The following M6PR variants were observed in gnomAD, a reference collection of about 807,000 sequenced individuals.
The protein encoded by M6PR is mannose-6-phosphate receptor, cation dependent, also known as cation-dependent mannose-6-phosphate receptor.
In M6PR, 19 loss-of-function variants were observed where a neutral mutation model predicts 33.1. That is an observed-to-expected ratio of 0.57 (90% CI 0.40 to 0.84). The LOEUF (loss-of-function observed/expected upper bound fraction) is 0.84, where lower values mean the gene tolerates loss of function less well. Ranked by LOEUF, M6PR falls within the 40% of genes least tolerant of loss-of-function variation. The pLI, the probability that M6PR is intolerant of heterozygous loss-of-function variation, is 0.00. For synonymous variants in M6PR, 111 were observed against 123.4 expected (o/e 0.90, Z 0.67); for missense variants, 295 against 336.0 (o/e 0.88, Z 0.95).
At chr12:8,942,605 A>G in intron 5 of M6PR, 63 bp from the exon 6 acceptor site, 3 of 1,546,034 alleles carry the variant, frequency 1.9e-6, no homozygotes, top group South Asian at 2.3e-5. Context: ...CAGATAGGAT[A>G]ACCTCTGCAT....
Position 8,941,762 on chromosome 12 carries a change from G to T in M6PR, c.*56C>A, listed in dbSNP as rs961618549. The T allele has an allele frequency of 2.0e-5, 32 of 1,604,722 alleles. No individual in the cohort carries two copies. The highest frequency in any genetic ancestry group is 2.7e-5 in the Non-Finnish European group (32 of 1,171,972). On this transcript the variant is annotated 3_prime_UTR_variant, in exon 7 of 7. Coordinates refer to ENST00000000412, the MANE Select transcript of M6PR (RefSeq NM_002355.4). ...GAGTTGAGACTGCTTGAGAAATCTG[G>T]CTGTGTAGCTTTGGTTTGGGGGACT...
intron 3 of M6PR, chr12:8,945,213 G>C (rs995902370): frequency 9.9e-6 from 5 of 506,170 alleles, no homozygotes; most frequent in Non-Finnish European, 1.8e-5. Context: ...GTTTTTCACT[G>C]ATTTTAATGC....
chr12:8,943,949 G>T, intron 3 of M6PR, 39 bp from the exon 4 acceptor site: 2 of 1,349,964 alleles, frequency 1.5e-6, no homozygotes, highest in Non-Finnish European at 2.1e-6. Flanking sequence ...TGGGGTGGGG[G>T]AAAAGCAGAG....
rs773549234 is a variant in M6PR, at chr12:8,941,802, A to C, written c.*16T>G. The C allele has an allele frequency of 1.2e-6, 2 of 1,614,044 alleles. No individual in the cohort carries two copies. Among genetic ancestry groups the C allele is most frequent in the Non-Finnish European group, 1.7e-6 (2 of 1,179,954 alleles). ...TTTGGGGGACTGAGGAAGAGGCTGG[A>C]CATATAAAGTGCAATCTACATTGGT... On this transcript the variant is annotated 3_prime_UTR_variant, in exon 7 of 7. Transcript: ENST00000000412.
At chr12:8,947,812 G>T (rs1946119950) in intron 1 of M6PR, among the ~76,000 whole-genome samples, 1 of 150,808 alleles carries the variant, frequency 6.6e-6, no homozygotes, top group South Asian at 2.1e-4. Flanking sequence ...TTTTGGAGAT[G>T]AGAGTAGACA....
At chr12:8,942,901 A>G (rs1291952520) in intron 5 of M6PR, among the ~76,000 whole-genome samples, 3 of 152,096 alleles carry the variant, frequency 2.0e-5, no homozygotes, top group Non-Finnish European at 4.4e-5. Context: ...ATGCAAATCT[A>G]TACCGGCAAC....
In M6PR at chr12:8,943,804, T is replaced by G; in HGVS notation, c.450A>C (p.Leu150=). 3 of 1,612,356 alleles carry G rather than the reference T, an allele frequency of 1.9e-6. No homozygotes were observed. The highest frequency in any genetic ancestry group is 2.5e-6 in the Non-Finnish European group (3 of 1,179,752). ...TATACAACACAGGGTGCCTCACCGC[T>G]AGGGTGTGTCGATTGCAGGAGATCA... ...VVMISCNRHT[L]ADNFNPVSEE... is the part of the protein sequence containing the mutation. The change falls in exon 4 of 7, where the codon CTA becomes CTC. Residue 150 remains leucine, a synonymous_variant. Transcript: ENST00000000412.
chr12:8,944,767 A>G (rs1946071094), intron 3 of M6PR, among the ~76,000 whole-genome samples: 1 of 152,172 alleles, frequency 6.6e-6, no homozygotes, highest in African/African-American at 2.4e-5. Flanking sequence ...AACTTTGATT[A>G]ATTTGATGAA....
At chr12:8,943,244 T>G in intron 5 of M6PR, 161 bp downstream of exon 5, 1 of 912,124 alleles carries the variant, frequency 1.1e-6, no homozygotes, top group Non-Finnish European at 1.6e-6. Context: ...GAGCCCTGTG[T>G]CCTGGCAGAA....
Position 8,945,441 on chromosome 12 carries a change from T to C in M6PR, c.320A>G (p.Asn107Ser). 4 of 1,614,116 alleles carry C rather than the reference T, an allele frequency of 2.5e-6. No individual in the cohort carries two copies. The highest frequency in any genetic ancestry group is 1.3e-5 in the African/African-American group (1 of 75,036). ...ACTTCCGTTGAAGATGTGAGTCTCG[T>C]TGAGTCTCCCTACCACTGTCTCCTT... ...NGKETVVGRL[N>S]ETHIFNGSNW... Residue 107 changes from asparagine to serine, a missense_variant, in exon 3 of 7, where the codon AAC becomes AGC. By Grantham distance (46) the Asn-to-Ser change is conservative (BLOSUM62 1). Coordinates refer to ENST00000000412, the MANE Select transcript of M6PR (RefSeq NM_002355.4).
chr12:8,946,459 AAG>A (rs764295755), intron 1 of M6PR, 54 bp from the exon 2 acceptor site: 393 of 1,398,782 alleles, frequency 2.8e-4, no homozygotes, highest in Non-Finnish European at 3.6e-4. Flanking sequence ...AGAGAGAGGA[AAG>A]AGATAAAGCG....
chr12:8,944,751 CT>C (rs1361607393), intron 3 of M6PR, among the ~76,000 whole-genome samples: 2 of 152,126 alleles, frequency 1.3e-5, no homozygotes, highest in Non-Finnish European at 2.9e-5. Flanking sequence ...TAAAATTTAA[CT>C]GGTAAACTTT....
At chr12:8,946,564 G>T (rs1946097899) in intron 1 of M6PR, 159 bp from the exon 2 acceptor site, 1 of 539,796 alleles carries the variant, frequency 1.9e-6, no homozygotes, top group Non-Finnish European at 3.2e-6. Context: ...TAATATCTCT[G>T]TAACAAGAGC....
At chr12:8,943,606 C>G in intron 4 of M6PR, 71 bp from the exon 5 acceptor site, 1 of 1,581,800 alleles carries the variant, frequency 6.3e-7, no homozygotes, top group East Asian at 2.2e-5. Flanking sequence ...AATAAAAAAC[C>G]CAAAAAACAT....
chr12:8,945,048 C>T (rs1278604738), intron 3 of M6PR, among the ~76,000 whole-genome samples: 1 of 152,178 alleles, frequency 6.6e-6, no homozygotes, highest in African/African-American at 2.4e-5. Flanking sequence ...GTCCCAGCTA[C>T]TCAGGAGGCT....
At chr12:8,944,427 C>T (rs571359733) in intron 3 of M6PR, among the ~76,000 whole-genome samples, 22 of 152,168 alleles carry the variant, frequency 1.4e-4, no homozygotes, top group Non-Finnish European at 2.8e-4. Context: ...GATTCTGCTC[C>T]TAGTTTTGCA....
chr12:8,946,220 C>T lies in M6PR; in HGVS notation c.176+9G>A. The T allele has an allele frequency of 6.2e-7, 1 of 1,609,914 alleles. No individual in the cohort carries two copies. On this transcript the variant is annotated intron_variant, in intron 2 of 6. Transcript: ENST00000000412. ...TTTTCTCAAGCTCTTTAAGGTTCTT[C>T]TCATTTACCTTTTATTAAACAGTGG...
rs774609275 is a variant in M6PR, at chr12:8,945,458, T to C, written c.303A>G (p.Thr101=). 13 of 1,614,068 alleles carry C rather than the reference T, an allele frequency of 8.1e-6. No homozygotes were observed. Among genetic ancestry groups the C allele is most frequent in the Non-Finnish European group, 1.0e-5 (12 of 1,180,050 alleles). The change falls in exon 3 of 7, where the codon ACA becomes ACG. Residue 101 remains threonine, a synonymous_variant. Transcript: ENST00000000412. ...GAGTCTCGTTGAGTCTCCCTACCAC[T>C]GTCTCCTTCCCATTACTTTTGTTGA... is the stretch of plus-strand genomic sequence containing the variant. ...VQINKSNGKE[T]VVGRLNETHI...
Position 8,941,944 on chromosome 12 carries a change from TAGGGGGA to T in M6PR, c.712-11_712-5del, listed in dbSNP as rs1465841838. The stretch of plus-strand genomic sequence containing the variant: ...GGCAGACAAAGTCACAGCCATCCTG[TAGGGGGA>T]AAAAAAAGAAGGAAATAATTCGCAG... On this transcript the variant is annotated splice_region_variant and splice_polypyrimidine_tract_variant and intron_variant, in intron 6 of 6. Coordinates refer to ENST00000000412, the MANE Select transcript of M6PR (RefSeq NM_002355.4). The T allele has an allele frequency of 6.2e-7, 1 of 1,613,896 alleles. No homozygotes were observed. Among genetic ancestry groups the T allele is most frequent in the South Asian group, 1.1e-5 (1 of 91,076 alleles).
Sources: gnomAD v4.1 joint callset for allele counts (sites outside exome capture counted in the v4.1 genomes callset) on GRCh38, gnomAD v4.1.1 for gene constraint, MANE v1.5 for transcripts, NCBI Gene and HGNC (gene_info 2026-07-23, HGNC 2026-07-21) for gene names.